SND1: variants seen among roughly 807,000 people sequenced by gnomAD.
SND1 encodes the protein staphylococcal nuclease domain-containing protein 1.
SND1 carries 38 observed loss-of-function variants against 121.7 expected under a neutral mutation model. The ratio of observed to expected loss-of-function variants is 0.31; its 90% CI spans 0.24 to 0.41. SND1 has a LOEUF of 0.41. Ranked by LOEUF, SND1 falls within the 10% of genes least tolerant of loss-of-function variation. The pLI, the probability that SND1 is intolerant of heterozygous loss-of-function variation, is 1.00. For missense variants in SND1, 868 were observed against 1,184.6 expected (o/e 0.73, Z 3.92); for synonymous variants, 401 against 447.4 (o/e 0.90, Z 1.31).
intron 11 of SND1, among the ~76,000 whole-genome samples, chr7:127,812,947 A>G (rs1242596679): frequency 1.3e-5 from 2 of 152,122 alleles, no homozygotes; most frequent in Non-Finnish European, 2.9e-5. Flanking sequence ...TTTTCACCTC[A>G]TATTAATTTG....
At chr7:127,916,032 GTT>G (rs1491124789) in intron 14 of SND1, among the ~76,000 whole-genome samples, 2 of 133,608 alleles carry the variant, frequency 1.5e-5, no homozygotes, top group African/African-American at 2.9e-5. Context: ...GTGTGTGTGT[GTT>G]TATGTGTGTA....
At chr7:127,832,793 A>G (rs555531727) in intron 11 of SND1, among the ~76,000 whole-genome samples, 3 of 152,348 alleles carry the variant, frequency 2.0e-5, no homozygotes, top group East Asian at 1.9e-4. Context: ...ACAGCAGGAC[A>G]TGAGCAGCAG....
intron 10 of SND1, among the ~76,000 whole-genome samples, chr7:127,727,168 C>T (rs1796596735): frequency 6.6e-6 from 1 of 152,210 alleles, no homozygotes; most frequent in Non-Finnish European, 1.5e-5. Flanking sequence ...GTTAAAGCTG[C>T]CATATGCTGA....
At chr7:127,657,795 G>C (rs1006325328) in intron 1 of SND1, among the ~76,000 whole-genome samples, 1 of 152,144 alleles carries the variant, frequency 6.6e-6, no homozygotes, top group East Asian at 1.9e-4. Flanking sequence ...CACTGCACTT[G>C]GCCTATGATT....
At chr7:127,762,684 A>G (rs1797326114) in intron 10 of SND1, among the ~76,000 whole-genome samples, 1 of 152,226 alleles carries the variant, frequency 6.6e-6, no homozygotes, top group Non-Finnish European at 1.5e-5. Context: ...CTCTGCAACT[A>G]TGACTGAAAC....
intron 10 of SND1, among the ~76,000 whole-genome samples, chr7:127,774,263 T>C (rs1352859065): frequency 1.3e-5 from 2 of 152,196 alleles, no homozygotes; most frequent in Non-Finnish European, 2.9e-5. Context: ...CCTAGGCTAA[T>C]GTGTATGTTT....
chr7:127,820,528 A>G (rs937036380), intron 11 of SND1, among the ~76,000 whole-genome samples: 4 of 152,194 alleles, frequency 2.6e-5, no homozygotes, highest in African/African-American at 9.7e-5. Flanking sequence ...ACAGCTTTCC[A>G]AGGGGCAAAT....
chr7:127,858,392 A>C (rs1799321542), intron 12 of SND1: 19 of 1,301,190 alleles, frequency 1.5e-5, no homozygotes, highest in Non-Finnish European at 2.1e-5. Context: ...TAGGAGCTCC[A>C]AAAGTCCCTC....
intron 11 of SND1, among the ~76,000 whole-genome samples, chr7:127,823,864 C>T (rs1438854175): frequency 1.3e-5 from 2 of 151,986 alleles, no homozygotes; most frequent in Non-Finnish European, 2.9e-5. Flanking sequence ...GAGTTTATTT[C>T]TAATCCCATA....
At position 127,810,321 on chromosome 7, in the gene SND1, T is replaced by A. The variant is rs145206391; in HGVS notation, c.1242+2748T>A. 1.1e-3 allele frequency among the ~76,000 whole-genome samples: 165 copies of A among 152,326 alleles called. 1 individual carries two copies. Among genetic ancestry groups the A allele is most frequent in the Non-Finnish European group, 2.1e-3 (140 of 68,032 alleles). On this transcript the variant is annotated intron_variant, in intron 11 of 23. Transcript: ENST00000354725. ...GTGCTAAAGGGTGTGTATGTGTGTG[T>A]TTCTAATTGAGAGAGTGGTAGAAGA... is the stretch of plus-strand genomic sequence containing the variant.
At position 128,084,798 on chromosome 7, in the gene SND1, G is replaced by GC. The variant is rs762301654; in HGVS notation, c.2191dup (p.Arg731ProfsTer35). The GC allele has an allele frequency of 1.2e-6, 2 of 1,608,592 alleles. No homozygotes were observed. The highest frequency in any genetic ancestry group is 1.7e-6 in the Non-Finnish European group (2 of 1,176,234). The stretch of plus-strand genomic sequence containing the variant: ...TCACCCCCCTGTAGAGGGCTCCTAT[G>GC]CCCCCCGCAGGGGAGAGTTCTGCAT... On this transcript the variant is annotated frameshift_variant, in exon 19 of 24. Transcript: ENST00000354725. LOFTEE classifies it high-confidence loss of function.
chr7:127,721,956 A>G (rs1307735950), intron 10 of SND1, among the ~76,000 whole-genome samples: 10 of 152,174 alleles, frequency 6.6e-5, no homozygotes, highest in Admixed American at 4.6e-4. Context: ...ACTCAGGTAT[A>G]TCATTTTTGA....
In SND1 at chr7:127,943,157, T is replaced by C. The variant is rs1290492223; in HGVS notation, c.1669+13828T>C. Reference sequence around the variant, plus strand: ...CACTTCACAATCCAGTTCTACTTCATGTTTGATACAGCTTTGTATATTTCT... The same window carrying C: ...CACTTCACAATCCAGTTCTACTTCACGTTTGATACAGCTTTGTATATTTCT... On this transcript the variant is annotated intron_variant, in intron 15 of 23. Coordinates refer to ENST00000354725, the MANE Select transcript of SND1 (RefSeq NM_014390.4). 4.6e-5 allele frequency among the ~76,000 whole-genome samples: 7 copies of C among 152,352 alleles called. No homozygotes were observed. The East Asian group carries it at 1.3e-3, about 29-fold the overall frequency.
At chr7:127,816,620 C>T (rs942782663) in intron 11 of SND1, among the ~76,000 whole-genome samples, 8 of 150,932 alleles carry the variant, frequency 5.3e-5, no homozygotes, top group African/African-American at 1.7e-4. Context: ...GGCCTTAATA[C>T]GTTAACAAGT....
Position 128,092,117 on chromosome 7 carries a change from GA to G in SND1, c.*60del, listed in dbSNP as rs1793792806. ...ACGCCAGTCCCTCTTCCTCTGCCGG[GA>G]GGGTGTTTTCAACTCCAAACCCCAG... On this transcript the variant is annotated 3_prime_UTR_variant, in exon 24 of 24. Transcript: ENST00000354725. The surrounding 1 kb of genome is among the most constrained non-coding windows in gnomAD (Gnocchi z 4.9). The G allele has an allele frequency of 1.3e-6, 2 of 1,574,548 alleles. No individual in the cohort carries two copies. The highest frequency in any genetic ancestry group is 1.7e-5 in the Admixed American group (1 of 59,570).
At chr7:127,672,519 C>T (rs1052415367) in intron 1 of SND1, among the ~76,000 whole-genome samples, 18 of 151,454 alleles carry the variant, frequency 1.2e-4, no homozygotes, top group East Asian at 5.8e-4. Flanking sequence ...GGGCTGAGAC[C>T]GGAGAATTGC....
intron 1 of SND1, among the ~76,000 whole-genome samples, chr7:127,653,665 C>T (rs1352319664): frequency 6.6e-6 from 1 of 152,166 alleles, no homozygotes; most frequent in African/African-American, 2.4e-5. Flanking sequence ...TTTTATTACC[C>T]TGTTATCTTT....
At chr7:127,949,688 T>C (rs956752674) in intron 15 of SND1, among the ~76,000 whole-genome samples, 3 of 152,206 alleles carry the variant, frequency 2.0e-5, no homozygotes, top group Non-Finnish European at 4.4e-5. Context: ...ACAAAATTTC[T>C]TTTCCAATCC....
At chr7:127,667,276 G>A (rs540208440) in intron 1 of SND1, among the ~76,000 whole-genome samples, 2 of 152,270 alleles carry the variant, frequency 1.3e-5, no homozygotes, top group East Asian at 3.9e-4. Flanking sequence ...AGGGAAAAGT[G>A]TGCATGACTT....
Sources: allele counts gnomAD v4.1 joint callset (sites outside exome capture counted in the v4.1 genomes callset), GRCh38; gene constraint gnomAD v4.1.1; non-coding constraint Gnocchi (gnomAD v3.1); transcripts MANE v1.5; gene names NCBI Gene and HGNC (gene_info 2026-07-23, HGNC 2026-07-21).